Variants in QRSL1 observed in about 807,000 individuals in gnomAD.
The protein encoded by QRSL1 is glutamyl-tRNA(Gln) amidotransferase subunit A, mitochondrial.
QRSL1 carries 54 observed loss-of-function variants against 61.6 expected under a neutral mutation model. The ratio of observed to expected loss-of-function variants is 0.88; its 90% CI spans 0.70 to 1.10. The LOEUF (loss-of-function observed/expected upper bound fraction) is 1.10. QRSL1 is among the 50% of genes least tolerant of loss of function. The probability of loss-of-function intolerance (pLI) is 0.00; values close to 1 mark genes in which losing one functional copy is unlikely to be tolerated. For missense variants in QRSL1, 505 were observed against 622.6 expected, an observed-to-expected ratio of 0.81 and a Z score of 2.01; for synonymous variants, 228 against 225.7, an observed-to-expected ratio of 1.01 and a Z score of -0.09.
At chr6:106,661,686 C>CTTTTTTTTTTTT (rs572306794) in intron 9 of QRSL1, among the ~76,000 whole-genome samples, 1 of 55,094 alleles carries the variant, frequency 1.8e-5, no homozygotes. Flanking sequence ...ATGGTTAGTT[C>CTTTTTTTTTTTT]TTTTTTTTTT....
chr6:106,647,580 A>G (rs1443626070), intron 4 of QRSL1, among the ~76,000 whole-genome samples: 3 of 144,390 alleles, frequency 2.1e-5, no homozygotes, highest in African/African-American at 7.6e-5. Context: ...AAAGAGAGAG[A>G]CAATGATAAT....
intron 4 of QRSL1, among the ~76,000 whole-genome samples, chr6:106,644,623 C>T (rs113577045): frequency 0.099 from 15,018 of 152,110 alleles, 1,031 homozygotes; most frequent in African/African-American, 0.19. Context: ...CAGGTTCAAG[C>T]GATTCTCCTG....
At position 106,667,865 on chromosome 6, in the gene QRSL1, AG is replaced by A. The variant is rs1365789510; in HGVS notation, c.*1865del. 1 of 152,004 alleles carries A rather than the reference AG, an allele frequency of 6.6e-6. No individual in the cohort carries two copies. Among genetic ancestry groups the A allele is most frequent in the Non-Finnish European group, 1.5e-5 (1 of 68,008 alleles). 9.4% of individuals were successfully genotyped at this position (152,004 alleles called of 1,614,324 possible). A position where few individuals can be genotyped will look rare whatever the true frequency, so the allele number is the denominator to read the frequency against. ...TCAGACACCACAACATCCTAGATGG[AG>A]GAAACCATTTTAGTTGAAGGAGCAA... On this transcript the variant is annotated 3_prime_UTR_variant, in exon 11 of 11. Transcript: ENST00000369046.
At chr6:106,633,563 A>T (rs1019896086) in intron 1 of QRSL1, among the ~76,000 whole-genome samples, 6 of 152,170 alleles carry the variant, frequency 3.9e-5, no homozygotes, top group Admixed American at 1.3e-4. Context: ...CACAAAAAGG[A>T]GGTAAAATGC....
chr6:106,630,606 A>G (rs763312150), intron 1 of QRSL1, among the ~76,000 whole-genome samples: 7 of 152,194 alleles, frequency 4.6e-5, no homozygotes, highest in Non-Finnish European at 7.3e-5. Flanking sequence ...AGTCACATAA[A>G]GCACCTGTTG....
chr6:106,629,881 G>T (rs1164620320), intron 1 of QRSL1, among the ~76,000 whole-genome samples, 176 bp downstream of exon 1: 1 of 152,174 alleles, frequency 6.6e-6, no homozygotes, highest in African/African-American at 2.4e-5. Flanking sequence ...ACCCATTCAG[G>T]AGTTAGGACC....
At position 106,665,990 on chromosome 6, in the gene QRSL1, T is replaced by C; in HGVS notation, c.1575T>C (p.Ser525=). ...VLENEKLASV[S]LKQ is the part of the protein sequence containing the mutation. ...AAAATGAAAAGTTAGCCTCTGTCTC[T>C]CTAAAACAGTAAACATATCTTACAA... is the stretch of plus-strand genomic sequence containing the variant. Residue 525 remains serine, a synonymous_variant, in exon 11 of 11, where the codon TCT becomes TCC. Transcript: ENST00000369046. 1.2e-6 allele frequency: 2 copies of C among 1,613,478 alleles called. No individual in the cohort carries two copies. The highest frequency in any genetic ancestry group is 1.7e-5 in the Admixed American group (1 of 60,008).
At position 106,640,926 on chromosome 6, in the gene QRSL1, A is replaced by C; in HGVS notation, c.283+5A>C. The C allele has an allele frequency of 6.3e-7, 1 of 1,597,934 alleles. No homozygotes were observed. The highest frequency in any genetic ancestry group is 8.6e-7 in the Non-Finnish European group (1 of 1,165,782). ...GTGCATCAAATATGCTGAAAGGTAA[A>C]GTTTAACTGATCAGAGCATTGATAA... On this transcript the variant is annotated splice_donor_5th_base_variant and intron_variant, in intron 3 of 10. Coordinates refer to ENST00000369046, the MANE Select transcript of QRSL1 (RefSeq NM_018292.5).
chr6:106,650,272 C>T (rs1397453778), intron 5 of QRSL1, among the ~76,000 whole-genome samples: 7 of 152,058 alleles, frequency 4.6e-5, no homozygotes, highest in African/African-American at 9.7e-5. Context: ...TTTACATAGC[C>T]GTCAGTGAAT....
intron 5 of QRSL1, 74 bp downstream of exon 5, chr6:106,649,275 G>C: frequency 1.4e-6 from 2 of 1,461,734 alleles, no homozygotes; most frequent in East Asian, 2.3e-5. Flanking sequence ...TCCAGCAATA[G>C]AGTAGTTCAT....
chr6:106,656,463 T>C (rs1436185819), intron 9 of QRSL1, among the ~76,000 whole-genome samples: 2 of 152,268 alleles, frequency 1.3e-5, no homozygotes, highest in Non-Finnish European at 2.9e-5. Context: ...TTCAATTGTC[T>C]TCATTATGAG....
intron 4 of QRSL1, among the ~76,000 whole-genome samples, chr6:106,648,183 C>A (rs534889706): frequency 5.1e-4 from 78 of 151,800 alleles, no homozygotes; most frequent in Middle Eastern, 6.8e-3. Context: ...GTAGTCCCAG[C>A]TACTCGGGAG....
intron 10 of QRSL1, among the ~76,000 whole-genome samples, chr6:106,665,321 A>G (rs1189499609): frequency 6.6e-6 from 1 of 152,226 alleles, no homozygotes; most frequent in East Asian, 1.9e-4. Context: ...TCAAAATGGT[A>G]CAACTTCTTT....
chr6:106,641,035 T>C, intron 3 of QRSL1, 114 bp downstream of exon 3: 1 of 751,330 alleles, frequency 1.3e-6, no homozygotes, highest in Non-Finnish European at 2.1e-6. Flanking sequence ...GAAGGAAATA[T>C]TTAGAATATA....
At chr6:106,643,680 CAAA>C (rs112408577) in intron 4 of QRSL1, among the ~76,000 whole-genome samples, 4 of 112,612 alleles carry the variant, frequency 3.6e-5, no homozygotes, top group Non-Finnish European at 3.8e-5. Context: ...AACTCTGTCT[CAAA>C]AAAAAAAAAA....
chr6:106,639,314 C>CA (rs1776980535), intron 1 of QRSL1, among the ~76,000 whole-genome samples: 1 of 151,750 alleles, frequency 6.6e-6, no homozygotes, highest in Non-Finnish European at 1.5e-5. Context: ...TTAGTAGAGA[C>CA]AGAGTTTCAC....
chr6:106,634,164 C>T (rs1776882943), intron 1 of QRSL1, among the ~76,000 whole-genome samples: 1 of 151,968 alleles, frequency 6.6e-6, no homozygotes, highest in African/African-American at 2.4e-5. Context: ...GTGTTCCAGG[C>T]AGATGGAACA....
chr6:106,639,273 G>A (rs1488901971), intron 1 of QRSL1, among the ~76,000 whole-genome samples: 3 of 151,616 alleles, frequency 2.0e-5, no homozygotes, highest in Admixed American at 6.6e-5. Flanking sequence ...CTACAGGCAC[G>A]TGCCACCACA....
chr6:106,660,588 G>A (rs1777340862), intron 9 of QRSL1, among the ~76,000 whole-genome samples: 1 of 151,946 alleles, frequency 6.6e-6, no homozygotes, highest in African/African-American at 2.4e-5. Context: ...GTTTAAGAAG[G>A]CAGAGTGTCT....
Sources: gnomAD v4.1 joint callset for allele counts (sites outside exome capture counted in the v4.1 genomes callset) on GRCh38, gnomAD v4.1.1 for gene constraint, MANE v1.5 for transcripts, NCBI Gene and HGNC (gene_info 2026-07-23, HGNC 2026-07-21) for gene names.